Variants in SLC2A1 observed in about 807,000 individuals in gnomAD.
SLC2A1 encodes solute carrier family 2, facilitated glucose transporter member 1.
In SLC2A1, 4 loss-of-function variants were observed where a neutral mutation model predicts 46.6. The ratio of observed to expected loss-of-function variants is 0.09; its 90% CI spans 0.04 to 0.20. The LOEUF (loss-of-function observed/expected upper bound fraction) is 0.20. Ranked by LOEUF, SLC2A1 falls within the 10% of genes least tolerant of loss-of-function variation. SLC2A1 has a pLI of 1.00. For synonymous variants in SLC2A1, 253 were observed against 270.0 expected, an observed-to-expected ratio of 0.94 and a Z score of 0.62; for missense variants, 352 against 667.0, an observed-to-expected ratio of 0.53 and a Z score of 5.20.
intron 1 of SLC2A1, among the ~76,000 whole-genome samples, chr1:42,950,454 T>A (rs1380703548): frequency 6.6e-6 from 1 of 152,222 alleles, no homozygotes; most frequent in Non-Finnish European, 1.5e-5. Context: ...CATCCTATTA[T>A]GGAATGTTAA....
intron 1 of SLC2A1, among the ~76,000 whole-genome samples, chr1:42,943,677 G>C (rs536521975): frequency 1.3e-5 from 2 of 152,238 alleles, no homozygotes; most frequent in African/African-American, 4.8e-5. Context: ...GGGAGGCCCA[G>C]GAACCAGCCC....
chr1:42,953,668 C>T (rs916061935), intron 1 of SLC2A1, among the ~76,000 whole-genome samples: 1 of 152,200 alleles, frequency 6.6e-6, no homozygotes, highest in Non-Finnish European at 1.5e-5. Context: ...CTTGGGGAAG[C>T]AGGGAGCTGG....
rs1643756249 is a variant in SLC2A1 at position 42,954,744 on chromosome 1, G to A, written c.18+3890C>T. On this transcript the variant is annotated intron_variant, in intron 1 of 9. Coordinates refer to ENST00000426263, the MANE Select transcript of SLC2A1 (RefSeq NM_006516.4). The surrounding 1 kb of genome is among the most constrained non-coding windows in gnomAD (Gnocchi z 4.2). Reference sequence around the variant, plus strand: ...TGTCTTGGGGTGGGAGGCTCAGTGTGTGATCTTGGCAAAGTCATTTTTTAT... The same window carrying A: ...TGTCTTGGGGTGGGAGGCTCAGTGTATGATCTTGGCAAAGTCATTTTTTAT... Among the ~76,000 whole-genome samples the A allele has an allele frequency of 6.6e-6, 1 of 152,222 alleles. No individual in the cohort carries two copies. Among genetic ancestry groups the A allele is most frequent in the Non-Finnish European group, 1.5e-5 (1 of 68,042 alleles).
Position 42,926,989 on chromosome 1 carries a change from G to A in SLC2A1, c.*52C>T. The A allele has an allele frequency of 6.3e-7, 1 of 1,599,290 alleles. No homozygotes were observed. Among genetic ancestry groups the A allele is most frequent in the Non-Finnish European group, 8.5e-7 (1 of 1,170,190 alleles). On this transcript the variant is annotated 3_prime_UTR_variant, in exon 10 of 10. Coordinates refer to ENST00000426263, the MANE Select transcript of SLC2A1 (RefSeq NM_006516.4). ...GTCTCATCCAGCTGCCTGTGCTCCT[G>A]AGAGATCCTTAGGGCTGCTGGGAGC... is the stretch of plus-strand genomic sequence containing the variant.
intron 1 of SLC2A1, among the ~76,000 whole-genome samples, chr1:42,958,068 C>T (rs369710604): frequency 2.6e-5 from 4 of 152,332 alleles, no homozygotes; most frequent in South Asian, 2.1e-4. Context: ...CCGCGGGGGA[C>T]TGGCGGGAGG....
chr1:42,941,019 C>T (rs980530441), intron 2 of SLC2A1, among the ~76,000 whole-genome samples: 2 of 152,240 alleles, frequency 1.3e-5, no homozygotes, highest in African/African-American at 4.8e-5. Flanking sequence ...AAACCCTTCT[C>T]TGTTGCCCTC....
rs544553458 is a variant in SLC2A1, at chr1:42,934,992, C to T, written c.115-3786G>A. 5.9e-5 allele frequency among the ~76,000 whole-genome samples: 9 copies of T among 152,268 alleles called. No homozygotes were observed. The South Asian group carries it at 8.3e-4, about 14-fold the overall frequency. ...CAGAATGCAGTCGGAGTCCTGCACA[C>T]CAAATGTGCCAGGCTCGGCCATCCA... On this transcript the variant is annotated intron_variant, in intron 2 of 9. Transcript: ENST00000426263.
intron 8 of SLC2A1, 34 bp downstream of exon 8, chr1:42,928,898 C>G: frequency 1.3e-6 from 2 of 1,583,790 alleles, no homozygotes; most frequent in Non-Finnish European, 1.7e-6. Flanking sequence ...CAAACTCTCC[C>G]GCATCCCTCA....
rs796053264 is a variant in SLC2A1 at position 42,927,611 on chromosome 1, A to G, written c.1272T>C (p.Tyr424=). ...SNFIVGMCFQ[Y]VEQLCGPYVF... is the part of the protein sequence containing the mutation. The stretch of plus-strand genomic sequence containing the variant: ...AGACAGTGGGGGTTCTCACCTCCAC[A>G]TACTGGAAGCACATGCCCACAATGA... The change falls in exon 9 of 10, where the codon TAT becomes TAC. Residue 424 remains tyrosine (Y), a synonymous_variant. Transcript: ENST00000426263. The surrounding 1 kb of genome is among the most constrained non-coding windows in gnomAD (Gnocchi z 5.3). 1 of 1,613,764 alleles carries G rather than the reference A, an allele frequency of 6.2e-7. No individual in the cohort carries two copies. The highest frequency in any genetic ancestry group is 8.5e-7 in the Non-Finnish European group (1 of 1,179,974).
intron 2 of SLC2A1, 67 bp from the exon 3 acceptor site, chr1:42,931,273 C>G: frequency 6.6e-7 from 1 of 1,509,454 alleles, no homozygotes; most frequent in Admixed American, 1.9e-5. Context: ...TTTTCCTTTC[C>G]CCTTGCACCC....
At chr1:42,934,467 G>T (rs1181752359) in intron 2 of SLC2A1, among the ~76,000 whole-genome samples, 3 of 152,168 alleles carry the variant, frequency 2.0e-5, no homozygotes, top group Non-Finnish European at 2.9e-5. Flanking sequence ...TCCTACTGCT[G>T]GTTCCGGTGC....
intron 2 of SLC2A1, among the ~76,000 whole-genome samples, chr1:42,937,680 T>C (rs1643554998): frequency 1.3e-5 from 2 of 152,360 alleles, no homozygotes; most frequent in East Asian, 1.9e-4. Context: ...TGGGGTTATT[T>C]TGAAGAACAA....
rs753500924 is a variant in SLC2A1, at chr1:42,930,731, T to C, written c.411A>G (p.Thr137=). 12 of 1,611,498 alleles carry C rather than the reference T, an allele frequency of 7.4e-6. No individual in the cohort carries two copies. In the East Asian group the frequency reaches 2.7e-4, roughly 36 times the overall value. The change falls in exon 4 of 10, where the codon ACA becomes ACG. Residue 137 remains threonine, a synonymous_variant. Coordinates refer to ENST00000426263, the MANE Select transcript of SLC2A1 (RefSeq NM_006516.4). This position sits in a 1 kb window ranked among gnomAD's most constrained non-coding sequence, Gnocchi z 6.2. ...FIIGVYCGLT[T]GFVPMYVGEV... is the part of the protein sequence containing the mutation. ...CACCCACATACATGGGCACGAAGCCTGTGGTCAGGCCGCAGTACACACCGA... is the reference window on the plus strand; with the variant it reads ...CACCCACATACATGGGCACGAAGCCCGTGGTCAGGCCGCAGTACACACCGA...
In SLC2A1 at chr1:42,929,885, G is replaced by A. The variant is rs796053248; in HGVS notation, c.667C>T (p.Arg223Trp). The change falls in exon 5 of 10, where the codon CGG (arginine) becomes TGG (tryptophan). Residue 223 changes from arginine (R) to tryptophan (W), a missense_variant. By Grantham distance (101) the Arg-to-Trp change is moderately radical. Coordinates refer to ENST00000426263, the MANE Select transcript of SLC2A1 (RefSeq NM_006516.4). This position sits in a 1 kb window ranked among gnomAD's most constrained non-coding sequence, Gnocchi z 6.0. ...FLLINRNEENRAKSVLKKLRG... is the reference protein window; with the variant it reads ...FLLINRNEENWAKSVLKKLRG... Reference sequence around the variant, plus strand: ...GCCATGCCCGTACCACTCTTGGCCCGGTTCTCCTCGTTGCGGTTGATGAGC... The same window carrying A: ...GCCATGCCCGTACCACTCTTGGCCCAGTTCTCCTCGTTGCGGTTGATGAGC... The A allele has an allele frequency of 6.2e-7, 1 of 1,614,192 alleles. No homozygotes were observed. Among genetic ancestry groups the A allele is most frequent in the Non-Finnish European group, 8.5e-7 (1 of 1,180,024 alleles).
Position 42,930,694 on chromosome 1 carries a change from T to C in SLC2A1, c.448A>G (p.Thr150Ala), listed in dbSNP as rs752289598. 6.2e-7 allele frequency: 1 copy of C among 1,613,612 alleles called. No homozygotes were observed. Among genetic ancestry groups the C allele is most frequent in the Admixed American group, 1.7e-5 (1 of 59,996 alleles). ...GTGCCCAGGGCCCCACGAAGGGCTG[T>C]GGGTGACACTTCACCCACATACATG... ...VPMYVGEVSP[T>A]ALRGALGTLH... The change falls in exon 4 of 10, where the codon ACA (threonine) becomes GCA (alanine). Residue 150 changes from threonine (T) to alanine (A), a missense_variant. Coordinates refer to ENST00000426263, the MANE Select transcript of SLC2A1 (RefSeq NM_006516.4). The surrounding 1 kb of genome is among the most constrained non-coding windows in gnomAD (Gnocchi z 6.2).
chr1:42,948,547 A>G (rs936706301), intron 1 of SLC2A1, among the ~76,000 whole-genome samples: 51 of 152,050 alleles, frequency 3.4e-4, no homozygotes, highest in Admixed American at 9.2e-4. Context: ...GGAGTGGGGG[A>G]GGGGTTTACC....
In SLC2A1 at chr1:42,925,992, G is replaced by C. The variant is rs541030660; in HGVS notation, c.*1049C>G. On this transcript the variant is annotated 3_prime_UTR_variant, in exon 10 of 10. Coordinates refer to ENST00000426263, the MANE Select transcript of SLC2A1 (RefSeq NM_006516.4). ...ATGTATATATTCTCTGGGTAACAGGGATCAAACAGATTTTTGAGCAAGAGG... is the reference window on the plus strand; with the variant it reads ...ATGTATATATTCTCTGGGTAACAGGCATCAAACAGATTTTTGAGCAAGAGG... The C allele has an allele frequency of 6.6e-6, 1 of 152,440 alleles. No homozygotes were observed. Among genetic ancestry groups the C allele is most frequent in the Non-Finnish European group, 1.5e-5 (1 of 68,020 alleles). The allele number at this position is 152,440 out of a possible 1,614,324, so 9.4% of individuals were successfully genotyped here.
intron 2 of SLC2A1, among the ~76,000 whole-genome samples, chr1:42,938,578 CAA>C (rs1341580635): frequency 6.6e-6 from 1 of 152,224 alleles, no homozygotes; most frequent in Non-Finnish European, 1.5e-5. Context: ...ACTTGTGGGG[CAA>C]AGTCTCTTCT....
intron 1 of SLC2A1, among the ~76,000 whole-genome samples, 155 bp from the exon 2 acceptor site, chr1:42,943,476 T>C (rs548987254): frequency 7.2e-5 from 11 of 152,188 alleles, no homozygotes; most frequent in Non-Finnish European, 1.3e-4. Flanking sequence ...ATTCCTGACC[T>C]TAGGTGCCCA....
Sources: gnomAD v4.1 joint callset for allele counts (sites outside exome capture counted in the v4.1 genomes callset) on GRCh38, gnomAD v4.1.1 for gene constraint, Gnocchi (gnomAD v3.1) non-coding constraint, MANE v1.5 for transcripts, NCBI Gene and HGNC (gene_info 2026-07-23, HGNC 2026-07-21) for gene names.